Variants in RAD51B observed in about 807,000 individuals in gnomAD.
RAD51B encodes the protein RAD51 paralog B, also known as DNA repair protein RAD51 homolog 2.
In RAD51B, 38 loss-of-function variants were observed where a neutral mutation model predicts 42.2. The ratio of observed to expected loss-of-function variants is 0.90; its 90% confidence interval spans 0.70 to 1.18. RAD51B has a LOEUF of 1.18. Among genes scored for constraint, RAD51B ranks in the 50% most tolerant of loss-of-function variants. The probability of loss-of-function intolerance (pLI) is 0.00; values close to 1 mark genes in which losing one functional copy is unlikely to be tolerated. For missense variants in RAD51B, 373 were observed against 400.7 expected, an observed-to-expected ratio of 0.93 and a Z score of 0.59; for synonymous variants, 154 against 145.2, an observed-to-expected ratio of 1.06 and a Z score of -0.43.
intron 10 of RAD51B, among the ~76,000 whole-genome samples, chr14:68,593,153 G>C (rs1890832971): frequency 6.6e-6 from 1 of 152,264 alleles, no homozygotes; most frequent in Non-Finnish European, 1.5e-5. Flanking sequence ...GGCCTCGAGG[G>C]CAGGGCTCCA....
chr14:68,087,922 A>ATT (rs1311772513), intron 7 of RAD51B, among the ~76,000 whole-genome samples: 7 of 111,716 alleles, frequency 6.3e-5, no homozygotes, highest in African/African-American at 2.7e-4. Flanking sequence ...ATAATATATT[A>ATT]TATATAATTA....
At chr14:68,437,700 T>C (rs1345527860) in intron 9 of RAD51B, among the ~76,000 whole-genome samples, 2 of 152,066 alleles carry the variant, frequency 1.3e-5, no homozygotes, top group African/African-American at 4.8e-5. Flanking sequence ...TGAAGAGCCA[T>C]AGTAGTAGAG....
intron 7 of RAD51B, among the ~76,000 whole-genome samples, chr14:67,994,444 G>C (rs1048378990): frequency 1.3e-5 from 2 of 152,152 alleles, no homozygotes; most frequent in South Asian, 4.1e-4. Context: ...TTTAATATAA[G>C]ATGGTTACTA....
intron 7 of RAD51B, among the ~76,000 whole-genome samples, chr14:68,271,338 A>G (rs1434604373): frequency 6.6e-6 from 1 of 152,190 alleles, no homozygotes; most frequent in Non-Finnish European, 1.5e-5. Context: ...CAGATACTGT[A>G]GTGTAGTGAT....
chr14:68,607,827 G>A (rs2140103045), intron 10 of RAD51B, among the ~76,000 whole-genome samples: 1 of 152,284 alleles, frequency 6.6e-6, no homozygotes, highest in African/African-American at 2.4e-5. Flanking sequence ...GGCTGGCAAT[G>A]TAGGAGGAGG....
chr14:68,325,877 G>C (rs2082238529), intron 8 of RAD51B, among the ~76,000 whole-genome samples: 1 of 152,042 alleles, frequency 6.6e-6, no homozygotes. Context: ...TTATCTGAGT[G>C]TTTTTTAATG....
intron 7 of RAD51B, among the ~76,000 whole-genome samples, chr14:68,270,464 A>G (rs1275857541): frequency 6.6e-6 from 1 of 152,222 alleles, no homozygotes; most frequent in Non-Finnish European, 1.5e-5. Context: ...TCTCCAAGTA[A>G]TGAACTTTTA....
At chr14:68,426,453 T>C (rs999348475) in intron 9 of RAD51B, among the ~76,000 whole-genome samples, 1 of 152,124 alleles carries the variant, frequency 6.6e-6, no homozygotes, top group African/African-American at 2.4e-5. Flanking sequence ...GCCATGATTG[T>C]TATGAAGTGG....
intron 7 of RAD51B, among the ~76,000 whole-genome samples, chr14:67,990,674 T>C (rs1188889051): frequency 1.3e-5 from 2 of 152,188 alleles, no homozygotes; most frequent in Non-Finnish European, 2.9e-5. Flanking sequence ...GACTATTTAT[T>C]GCCTAAGAAC....
chr14:68,461,593 A>G (rs2085847968), intron 9 of RAD51B, among the ~76,000 whole-genome samples: 1 of 152,154 alleles, frequency 6.6e-6, no homozygotes, highest in African/African-American at 2.4e-5. Flanking sequence ...CAGCATTATT[A>G]CTGTAGGAAC....
At chr14:68,345,536 A>G (rs1594698134) in intron 8 of RAD51B, among the ~76,000 whole-genome samples, 1 of 151,944 alleles carries the variant, frequency 6.6e-6, no homozygotes, top group Non-Finnish European at 1.5e-5. Context: ...GCTTCCCTTC[A>G]CCTGCCACCA....
At chr14:68,112,488 A>ACAG (rs1270925192) in intron 7 of RAD51B, among the ~76,000 whole-genome samples, 1 of 152,150 alleles carries the variant, frequency 6.6e-6, no homozygotes, top group Non-Finnish European at 1.5e-5. Flanking sequence ...ACATGATGAC[A>ACAG]CAGTCACAAA....
intron 10 of RAD51B, among the ~76,000 whole-genome samples, chr14:68,484,452 G>T (rs931099270): frequency 6.7e-6 from 1 of 149,654 alleles, no homozygotes; most frequent in Non-Finnish European, 1.5e-5. Flanking sequence ...CCGCCTTCCG[G>T]GTTCACGCTA....
chr14:67,943,841 T>C (rs888291659), intron 7 of RAD51B, among the ~76,000 whole-genome samples: 13 of 152,028 alleles, frequency 8.6e-5, no homozygotes, highest in African/African-American at 3.1e-4. Flanking sequence ...AAGAAGAAAG[T>C]GGAAAGAAAG....
intron 7 of RAD51B, among the ~76,000 whole-genome samples, chr14:68,104,234 G>T (rs1010035676): frequency 1.3e-5 from 2 of 152,070 alleles, no homozygotes; most frequent in African/African-American, 2.4e-5. Context: ...ATTTTGAAAG[G>T]TTTAAAGAAT....
At chr14:67,984,063 C>T (rs1267600447) in intron 7 of RAD51B, among the ~76,000 whole-genome samples, 3 of 151,872 alleles carry the variant, frequency 2.0e-5, no homozygotes, top group Non-Finnish European at 2.9e-5. Context: ...CTCAGCCTCC[C>T]GAGTAGCTGG....
chr14:68,117,005 A>G (rs146675607), intron 7 of RAD51B, among the ~76,000 whole-genome samples: 2 of 152,310 alleles, frequency 1.3e-5, no homozygotes, highest in East Asian at 1.9e-4. Flanking sequence ...GAAGGTAACA[A>G]TGTTATTACA....
At chr14:68,071,192 A>C (rs1160592027) in intron 7 of RAD51B, among the ~76,000 whole-genome samples, 2 of 152,168 alleles carry the variant, frequency 1.3e-5, no homozygotes, top group East Asian at 3.8e-4. Flanking sequence ...TCCCAGGTAT[A>C]GTATCATATT....
chr14:68,423,557 C>T (rs1050951592), intron 9 of RAD51B, among the ~76,000 whole-genome samples: 1 of 152,208 alleles, frequency 6.6e-6, no homozygotes, highest in South Asian at 2.1e-4. Flanking sequence ...AAAGCCAGAA[C>T]TTTCCTTTTC....
Sources: gnomAD v4.1 joint callset for allele counts (sites outside exome capture counted in the v4.1 genomes callset) on GRCh38, gnomAD v4.1.1 for gene constraint, MANE v1.5 for transcripts, NCBI Gene and HGNC (gene_info 2026-07-23, HGNC 2026-07-21) for gene names.